Variants in GRM5 observed in about 807,000 individuals in gnomAD.
GRM5 encodes metabotropic glutamate receptor 5.
In GRM5, 19 loss-of-function variants were observed where a neutral mutation model predicts 83.1. The observed-to-expected ratio is 0.23, with a 90% confidence interval of 0.16 to 0.34. GRM5 has a LOEUF of 0.34. Ranked by LOEUF, GRM5 falls within the 10% of genes least tolerant of loss-of-function variation. GRM5 has a pLI of 1.00. For missense variants in GRM5, 1,160 were observed against 1,588.3 expected (o/e 0.73, Z 4.58); for synonymous variants, 675 against 633.6 (o/e 1.07, Z -0.98).
At chr11:88,851,750 G>A (rs1590912383) in intron 2 of GRM5, among the ~76,000 whole-genome samples, 1 of 152,296 alleles carries the variant, frequency 6.6e-6, no homozygotes, top group Middle Eastern at 3.4e-3. Flanking sequence ...TGAACAAACT[G>A]CAAAGGGCAG....
At chr11:88,734,153 C>G (rs1426233281) in intron 3 of GRM5, among the ~76,000 whole-genome samples, 1 of 151,662 alleles carries the variant, frequency 6.6e-6, no homozygotes, top group African/African-American at 2.4e-5. Context: ...AATTCAGTAG[C>G]AAAAAATTAA....
chr11:89,005,036 C>T (rs554548545), intron 2 of GRM5, among the ~76,000 whole-genome samples: 3 of 152,274 alleles, frequency 2.0e-5, no homozygotes, highest in East Asian at 1.9e-4. Context: ...CAGACTGCCT[C>T]TAGGCTTAGG....
At chr11:88,996,214 T>A (rs1392320008) in intron 2 of GRM5, among the ~76,000 whole-genome samples, 2 of 152,218 alleles carry the variant, frequency 1.3e-5, no homozygotes, top group African/African-American at 4.8e-5. Context: ...ACAATTTGAT[T>A]ACAGCTGTGT....
At chr11:88,692,583 G>T (rs994075205) in intron 3 of GRM5, among the ~76,000 whole-genome samples, 1 of 152,158 alleles carries the variant, frequency 6.6e-6, no homozygotes, top group African/African-American at 2.4e-5. Context: ...TCAGCAATAA[G>T]CTCAAGCTCT....
chr11:88,710,216 CTTTG>C (rs1331570874), intron 3 of GRM5, among the ~76,000 whole-genome samples: 4 of 152,056 alleles, frequency 2.6e-5, no homozygotes, highest in Non-Finnish European at 5.9e-5. Flanking sequence ...GAAAGTGTTG[CTTTG>C]TTTGGTTTCA....
At chr11:88,770,625 T>C (rs1297215651) in intron 3 of GRM5, among the ~76,000 whole-genome samples, 1 of 152,166 alleles carries the variant, frequency 6.6e-6, no homozygotes, top group African/African-American at 2.4e-5. Flanking sequence ...CTTGGTTATA[T>C]ATTTGATTTA....
intron 3 of GRM5, among the ~76,000 whole-genome samples, chr11:88,754,646 A>G (rs1023322392): frequency 2.6e-5 from 4 of 152,080 alleles, no homozygotes; most frequent in African/African-American, 9.7e-5. Context: ...TCTATAAAAA[A>G]TTTACAGTTA....
chr11:88,790,389 A>G (rs573717959), intron 3 of GRM5, among the ~76,000 whole-genome samples: 5 of 152,344 alleles, frequency 3.3e-5, no homozygotes, highest in Admixed American at 1.3e-4. Context: ...TTTGCTGAAT[A>G]AGCAAATTAA....
At chr11:88,978,474 T>TAAAAAAAAAAAAAAAAA (rs200343438) in intron 2 of GRM5, among the ~76,000 whole-genome samples, 1 of 97,988 alleles carries the variant, frequency 1.0e-5, no homozygotes, top group Non-Finnish European at 2.1e-5. Flanking sequence ...CAGATGAGCT[T>TAAAAAAAAAAAAAAAAA]AAAAAAAAAA....
chr11:88,521,501 T>G (rs1003352301), intron 9 of GRM5, among the ~76,000 whole-genome samples: 5 of 152,168 alleles, frequency 3.3e-5, no homozygotes, highest in African/African-American at 1.2e-4. Flanking sequence ...TGTTGAGGTT[T>G]CAGTCATTCA....
At chr11:88,604,153 T>A (rs1938077337) in intron 5 of GRM5, among the ~76,000 whole-genome samples, 1 of 152,090 alleles carries the variant, frequency 6.6e-6, no homozygotes, top group Non-Finnish European at 1.5e-5. Context: ...GAGTTTATGT[T>A]CCTCAAGTTC....
At chr11:88,562,321 A>C (rs1942776171) in intron 8 of GRM5, among the ~76,000 whole-genome samples, 1 of 152,158 alleles carries the variant, frequency 6.6e-6, no homozygotes, top group Non-Finnish European at 1.5e-5. Flanking sequence ...AACAGTCCAT[A>C]TATGCTTAGC....
intron 3 of GRM5, among the ~76,000 whole-genome samples, chr11:88,661,142 T>C (rs1939893883): frequency 6.6e-6 from 1 of 152,222 alleles, no homozygotes; most frequent in Admixed American, 6.5e-5. Flanking sequence ...TTCCCCAAAG[T>C]AGACTACAAA....
At chr11:89,016,507 G>A (rs1940859960) in intron 2 of GRM5, among the ~76,000 whole-genome samples, 1 of 151,998 alleles carries the variant, frequency 6.6e-6, no homozygotes, top group African/African-American at 2.4e-5. Context: ...TTTTGTGGTG[G>A]TAGTATTTGC....
At chr11:88,891,410 T>C (rs941236004) in intron 2 of GRM5, among the ~76,000 whole-genome samples, 6 of 152,088 alleles carry the variant, frequency 3.9e-5, no homozygotes, top group African/African-American at 1.4e-4. Context: ...ACTTCAAGTT[T>C]CGAAATTGTC....
chr11:88,840,456 T>C (rs1266863289), intron 3 of GRM5, among the ~76,000 whole-genome samples: 3 of 152,230 alleles, frequency 2.0e-5, no homozygotes, highest in African/African-American at 7.2e-5. Flanking sequence ...AAGATCCATA[T>C]TCTGAAACCC....
At chr11:88,814,246 G>C (rs1209126301) in intron 3 of GRM5, among the ~76,000 whole-genome samples, 1 of 152,144 alleles carries the variant, frequency 6.6e-6, no homozygotes, top group Non-Finnish European at 1.5e-5. Context: ...ATAGCCACAA[G>C]GGAATTTCCA....
chr11:88,839,116 C>T (rs765812339), intron 3 of GRM5, among the ~76,000 whole-genome samples: 9 of 152,138 alleles, frequency 5.9e-5, no homozygotes, highest in African/African-American at 9.7e-5. Flanking sequence ...TTATACTATT[C>T]GTAACCCTCT....
At chr11:89,014,099 C>T (rs1164553444) in intron 2 of GRM5, among the ~76,000 whole-genome samples, 1 of 152,178 alleles carries the variant, frequency 6.6e-6, no homozygotes, top group African/African-American at 2.4e-5. Flanking sequence ...CATATGCACA[C>T]ATACATATAC....
Sources: allele counts gnomAD v4.1 joint callset (sites outside exome capture counted in the v4.1 genomes callset), GRCh38; gene constraint gnomAD v4.1.1; transcripts MANE v1.5; gene names NCBI Gene and HGNC (gene_info 2026-07-23, HGNC 2026-07-21).